RBM26: variants seen among roughly 807,000 people sequenced by gnomAD.
RBM26 encodes RNA-binding protein 26.
RBM26 carries 30 observed loss-of-function variants against 123.6 expected under a neutral mutation model. That is an observed-to-expected ratio of 0.24 (90% CI 0.18 to 0.33). RBM26 has a LOEUF of 0.33. Ranked by LOEUF, RBM26 falls within the 10% of genes least tolerant of loss-of-function variation. The probability of loss-of-function intolerance (pLI) is 1.00; values close to 1 mark genes in which losing one functional copy is unlikely to be tolerated. For synonymous variants in RBM26, 400 were observed against 404.4 expected (o/e 0.99, Z 0.13); for missense variants, 947 against 1,203.6 (o/e 0.79, Z 3.15).
At chr13:79,394,716 C>T (rs1447891951) in intron 1 of RBM26, among the ~76,000 whole-genome samples, 2 of 152,180 alleles carry the variant, frequency 1.3e-5, no homozygotes, top group African/African-American at 4.8e-5. Flanking sequence ...TCACTGCAAC[C>T]TCCGCCTCCT....
At chr13:79,312,494 C>T (rs1194140052) in exon 5 of RBM26, 3 of 151,880 alleles carry the variant, frequency 2.0e-5, no homozygotes, top group Non-Finnish European at 4.4e-5. Flanking sequence ...CCAAATGTTC[C>T]GTAAATATTT....
chr13:79,388,293 A>G (rs150430123), intron 1 of RBM26, among the ~76,000 whole-genome samples: 1 of 152,304 alleles, frequency 6.6e-6, no homozygotes, highest in Non-Finnish European at 1.5e-5. Flanking sequence ...ATGGGGTTTC[A>G]CCATGGTGGC....
intron 1 of RBM26, among the ~76,000 whole-genome samples, chr13:79,404,527 C>T (rs780301681): frequency 7.9e-5 from 12 of 152,168 alleles, no homozygotes; most frequent in Non-Finnish European, 1.5e-4. Flanking sequence ...TGGCCCCTAC[C>T]TACTTGTCCA....
chr13:79,368,837 T>A lies in RBM26; in HGVS notation c.788A>T (p.His263Leu), dbSNP rs2075594557. The A allele has an allele frequency of 4.3e-6, 7 of 1,613,978 alleles. No individual in the cohort carries two copies. Among genetic ancestry groups the A allele is most frequent in the Non-Finnish European group, 5.1e-6 (6 of 1,179,884 alleles). Residue 263 changes from histidine (H) to leucine (L), a missense_variant, in exon 6 of 22, where the codon CAT (histidine) becomes CTT (leucine). His to Leu is a moderately conservative substitution (Grantham distance 99). This residue lies in a region of RBM26 where 275 missense variants were observed against 361.0 expected (regional missense o/e 0.76). Transcript: ENST00000438737. The stretch of plus-strand genomic sequence containing the variant: ...CCAACTTTCGGTAGTGTTGTTTCCA[T>A]GATGAGTAGGAGCAATTACTGTAAT... ...STITVIAPTH[H>L]GNNTTESWSE... is the part of the protein sequence containing the mutation.
intron 1 of RBM26, among the ~76,000 whole-genome samples, chr13:79,380,097 T>C (rs553278463): frequency 6.6e-6 from 1 of 152,300 alleles, no homozygotes; most frequent in Non-Finnish European, 1.5e-5. Context: ...AATTTACATC[T>C]ACGAATTTAT....
chr13:79,325,163 T>A (rs1225592148), intron 20 of RBM26, among the ~76,000 whole-genome samples: 2 of 152,142 alleles, frequency 1.3e-5, no homozygotes, highest in Non-Finnish European at 2.9e-5. Context: ...TACAGCATAA[T>A]ACTTGAATAT....
At chr13:79,353,750 G>A (rs2073600720) in intron 13 of RBM26, among the ~76,000 whole-genome samples, 1 of 152,030 alleles carries the variant, frequency 6.6e-6, no homozygotes, top group Admixed American at 6.6e-5. Context: ...TAATAAGGTG[G>A]CATCCACTAG....
rs762260643 is a variant in RBM26 at position 79,359,675 on chromosome 13, T to G, written c.1429A>C (p.Asn477His). 2 of 1,550,314 alleles carry G rather than the reference T, an allele frequency of 1.3e-6. No homozygotes were observed. The highest frequency in any genetic ancestry group is 4.2e-5 in the Admixed American group (2 of 47,060). The change falls in exon 10 of 22, where the codon AAT (asparagine) becomes CAT (histidine). Residue 477 changes from asparagine to histidine, a missense_variant. By Grantham distance (68) the Asn-to-His change is moderately conservative. Coordinates refer to ENST00000438737, the MANE Select transcript of RBM26 (RefSeq NM_001366735.2). ...MDLPPREKPP[N>H]KSSMRIVVDS... ...ACTACTATCCTCATACTGCTTTTAT[T>G]GGGAGGCTTTTCTGTTTTAAAACAA...
At chr13:79,400,945 C>A (rs890524506) in intron 1 of RBM26, among the ~76,000 whole-genome samples, 10 of 152,090 alleles carry the variant, frequency 6.6e-5, no homozygotes, top group Admixed American at 6.5e-4. Context: ...GATTTACCAG[C>A]GACAGGAACA....
At chr13:79,345,177 C>T (rs2072108165) in intron 14 of RBM26, among the ~76,000 whole-genome samples, 3 of 152,062 alleles carry the variant, frequency 2.0e-5, no homozygotes, top group Non-Finnish European at 4.4e-5. Flanking sequence ...AAACTGGTTG[C>T]TGTCCCTCAA....
At chr13:79,347,156 T>A (rs1048034558) in intron 14 of RBM26, among the ~76,000 whole-genome samples, 6 of 152,186 alleles carry the variant, frequency 3.9e-5, no homozygotes, top group African/African-American at 9.7e-5. Context: ...ATGATAAGAC[T>A]CCTTTATTCC....
chr13:79,378,952 A>G, intron 1 of RBM26, 45 bp from the exon 2 acceptor site: 1 of 1,132,894 alleles, frequency 8.8e-7, no homozygotes, highest in Non-Finnish European at 1.3e-6. Flanking sequence ...CCAACTGCAC[A>G]TTCTACAAAT....
At position 79,371,233 on chromosome 13, in the gene RBM26, A is replaced by G. The variant is rs1035467634; in HGVS notation, c.417-71T>C. On this transcript the variant is annotated intron_variant, in intron 4 of 21. Transcript: ENST00000438737. ...CACAGGAAAAAGCTAATTAAATGCA[A>G]AAGTTACATTTAATTCTTGTAACTT... is the stretch of plus-strand genomic sequence containing the variant. 6 of 1,242,882 alleles carry G rather than the reference A, an allele frequency of 4.8e-6. No homozygotes were observed. The African/African-American group carries it at 6.0e-5, about 12-fold the overall frequency. 77.0% of individuals were successfully genotyped at this position (1,242,882 alleles called of 1,614,324 possible).
chr13:79,341,010 G>A (rs576174556), intron 18 of RBM26, 113 bp downstream of exon 18: 6 of 587,202 alleles, frequency 1.0e-5, no homozygotes, highest in Non-Finnish European at 1.2e-5. Flanking sequence ...TGTATGCCAG[G>A]GATTACCAAC....
intron 1 of RBM26, among the ~76,000 whole-genome samples, chr13:79,397,499 C>G (rs1327836293): frequency 6.6e-6 from 1 of 150,528 alleles, no homozygotes; most frequent in Non-Finnish European, 1.5e-5. Context: ...CACGATGAAA[C>G]CCTGTCGTCT....
At chr13:79,367,039 T>C (rs531084507) in intron 6 of RBM26, among the ~76,000 whole-genome samples, 167 bp from the exon 7 acceptor site, 1 of 152,302 alleles carries the variant, frequency 6.6e-6, no homozygotes, top group East Asian at 1.9e-4. Flanking sequence ...GTAATATAAA[T>C]ACTTGTAAAG....
chr13:79,319,896 T>C lies in RBM26; in HGVS notation c.*725A>G. The C allele has an allele frequency of 1.0e-6, 1 of 964,590 alleles. No homozygotes were observed. Among genetic ancestry groups the C allele is most frequent in the Non-Finnish European group, 1.2e-6 (1 of 812,428 alleles). The allele number at this position is 964,590 out of a possible 1,614,324, so 59.8% of individuals were successfully genotyped here. A position where few individuals can be genotyped will look rare whatever the true frequency, so the allele number is the denominator to read the frequency against. ...TCTGGAATGGTCTATTTTAATTTTT[T>C]TCTTTTCTTTTTTCTTTTCTTTTTT... On this transcript the variant is annotated 3_prime_UTR_variant, in exon 22 of 22. Coordinates refer to ENST00000438737, the MANE Select transcript of RBM26 (RefSeq NM_001366735.2).
intron 1 of RBM26, among the ~76,000 whole-genome samples, chr13:79,382,555 G>A (rs563953576): frequency 1.3e-5 from 2 of 152,226 alleles, no homozygotes; most frequent in East Asian, 1.9e-4. Flanking sequence ...TGTGTGTGTT[G>A]GGGCTGGTGA....
chr13:79,380,941 TA>T (rs1257692718), intron 1 of RBM26, among the ~76,000 whole-genome samples: 3 of 152,134 alleles, frequency 2.0e-5, no homozygotes, highest in Non-Finnish European at 4.4e-5. Flanking sequence ...ATGTCTGAAC[TA>T]TTTTCATCCA....
Sources: gnomAD v4.1 joint callset for allele counts (sites outside exome capture counted in the v4.1 genomes callset) on GRCh38, gnomAD v4.1.1 for gene constraint, gnomAD v4.1.1 regional missense constraint, MANE v1.5 for transcripts, NCBI Gene and HGNC (gene_info 2026-07-23, HGNC 2026-07-21) for gene names.